The following KIAA0319 variants were observed in gnomAD, a reference collection of about 807,000 sequenced individuals.
KIAA0319 encodes the protein KIAA0319.
KIAA0319 carries 83 observed loss-of-function variants against 108.4 expected under a neutral mutation model. The ratio of observed to expected loss-of-function variants is 0.77; its 90% CI spans 0.64 to 0.92. KIAA0319 has a LOEUF of 0.92. KIAA0319 is among the 40% of genes least tolerant of loss of function. KIAA0319 has a pLI of 0.00. For missense variants in KIAA0319, 1,195 were observed against 1,322.4 expected, an observed-to-expected ratio of 0.90 and a Z score of 1.49; for synonymous variants, 484 against 510.4, an observed-to-expected ratio of 0.95 and a Z score of 0.70.
intron 19 of KIAA0319, among the ~76,000 whole-genome samples, chr6:24,552,698 C>T (rs909228251): frequency 9.9e-5 from 15 of 152,260 alleles, no homozygotes; most frequent in African/African-American, 3.1e-4. Context: ...CTCTTCCTCC[C>T]GGGTTCAAGC....
At chr6:24,547,917 C>G (rs529795214) in intron 20 of KIAA0319, among the ~76,000 whole-genome samples, 3 of 152,164 alleles carry the variant, frequency 2.0e-5, no homozygotes, top group Non-Finnish European at 4.4e-5. Context: ...CCTATAATCC[C>G]AGCCCTTTGG....
At chr6:24,619,991 C>G (rs950474118) in intron 1 of KIAA0319, among the ~76,000 whole-genome samples, 1 of 152,210 alleles carries the variant, frequency 6.6e-6, no homozygotes. Context: ...TCTAACACTG[C>G]TGGATTAATT....
intron 11 of KIAA0319, among the ~76,000 whole-genome samples, chr6:24,570,465 G>A (rs1336458469): frequency 2.6e-5 from 4 of 152,066 alleles, no homozygotes; most frequent in Non-Finnish European, 5.9e-5. Flanking sequence ...GCAGGCGCCT[G>A]TAGTCCCAGC....
rs374404340 is a variant in KIAA0319, at chr6:24,564,344, C to A, written c.2293-4G>T. ...GGTCAGAGCCATCGATGACATCCTGCGAAAGAACACGGATCACAGGGCAGC... is the reference window on the plus strand; with the variant it reads ...GGTCAGAGCCATCGATGACATCCTGAGAAAGAACACGGATCACAGGGCAGC... On this transcript the variant is annotated splice_region_variant and splice_polypyrimidine_tract_variant and intron_variant, in intron 14 of 20. Coordinates refer to ENST00000378214, the MANE Select transcript of KIAA0319 (RefSeq NM_014809.4). The A allele has an allele frequency of 1.9e-6, 3 of 1,613,978 alleles. No individual in the cohort carries two copies. Among genetic ancestry groups the A allele is most frequent in the Non-Finnish European group, 2.5e-6 (3 of 1,179,994 alleles).
intron 1 of KIAA0319, among the ~76,000 whole-genome samples, chr6:24,635,315 G>A (rs1227134717): frequency 6.6e-6 from 1 of 152,034 alleles, no homozygotes; most frequent in African/African-American, 2.4e-5. Context: ...ATGTTGGAAG[G>A]CTGGTCTCAA....
chr6:24,566,783 T>C (rs769200172), intron 13 of KIAA0319, 35 bp from the exon 14 acceptor site: 28 of 1,578,936 alleles, frequency 1.8e-5, no homozygotes, highest in Middle Eastern at 1.7e-4. Context: ...AGCAAAGAGA[T>C]TGATTTAAAA....
chr6:24,592,128 TG>T (rs1335848415), intron 3 of KIAA0319, among the ~76,000 whole-genome samples: 2 of 152,252 alleles, frequency 1.3e-5, no homozygotes, highest in African/African-American at 4.8e-5. Context: ...AGATTTATGC[TG>T]AGTTTTCTTC....
At chr6:24,566,244 G>A (rs76750548) in intron 14 of KIAA0319, among the ~76,000 whole-genome samples, 1 of 152,312 alleles carries the variant, frequency 6.6e-6, no homozygotes, top group East Asian at 1.9e-4. Flanking sequence ...CTATAAGGAA[G>A]TAGTTAAGGT....
Position 24,596,363 on chromosome 6 carries a change from A to G in KIAA0319, c.311T>C (p.Leu104Pro), listed in dbSNP as rs560701097. 1 of 1,614,194 alleles carries G rather than the reference A, an allele frequency of 6.2e-7. No homozygotes were observed. Among genetic ancestry groups the G allele is most frequent in the East Asian group, 2.2e-5 (1 of 44,882 alleles). Residue 104 changes from leucine (L) to proline (P), a missense_variant, in exon 3 of 21, where the codon CTC (leucine) becomes CCC (proline). Transcript: ENST00000378214. ...CTGTGCAGGCCTCTGAACAGGCCGG[A>G]GCACAAAAGTGAGATAAGACCTGAT... ...GPIRSYLTFV[L>P]RPVQRPAQLL...
intron 10 of KIAA0319, 51 bp from the exon 11 acceptor site, chr6:24,572,749 A>C (rs376873529): frequency 1.5e-5 from 22 of 1,500,376 alleles, no homozygotes; most frequent in Middle Eastern, 3.5e-4. Context: ...AAAAAAGTAA[A>C]GAAGCACAAG....
Position 24,599,757 on chromosome 6 carries a change from GT to G in KIAA0319, c.55+1291del. 5.6e-6 allele frequency: 3 copies of G among 531,980 alleles called. No individual in the cohort carries two copies. Among genetic ancestry groups the G allele is most frequent in the Non-Finnish European group, 1.1e-5 (3 of 284,918 alleles). The allele number at this position is 531,980 out of a possible 1,614,324, so 33.0% of individuals were successfully genotyped here. A position where few individuals can be genotyped will look rare whatever the true frequency, so the allele number is the denominator to read the frequency against. ...GATCGAGATTTGTGATAGGAAACTG[GT>G]GTCTGAGTCCTCTGATGTTCTGCCC... On this transcript the variant is annotated intron_variant, in intron 2 of 20. Coordinates refer to ENST00000378214, the MANE Select transcript of KIAA0319 (RefSeq NM_014809.4). The surrounding 1 kb of genome is among the most constrained non-coding windows in gnomAD (Gnocchi z 4.1).
intron 16 of KIAA0319, among the ~76,000 whole-genome samples, 182 bp from the exon 17 acceptor site, chr6:24,559,337 A>T (rs577992778): frequency 6.6e-6 from 1 of 152,350 alleles, no homozygotes; most frequent in South Asian, 2.1e-4. Context: ...AAGCCTCTTC[A>T]GTCTCAACGT....
chr6:24,550,192 C>T (rs1014569968), intron 20 of KIAA0319, among the ~76,000 whole-genome samples: 3 of 152,150 alleles, frequency 2.0e-5, no homozygotes, highest in African/African-American at 7.2e-5. Flanking sequence ...TACCCGGCAT[C>T]GTCCATGCAC....
intron 20 of KIAA0319, 44 bp downstream of exon 20, chr6:24,551,390 A>G (rs374547514): frequency 7.2e-7 from 1 of 1,380,478 alleles, no homozygotes; most frequent in African/African-American, 1.4e-5. Context: ...ACCTAGGTTA[A>G]ATCATATAAA....
intron 1 of KIAA0319, among the ~76,000 whole-genome samples, chr6:24,627,693 G>A (rs1774906821): frequency 6.6e-6 from 1 of 152,168 alleles, no homozygotes; most frequent in Non-Finnish European, 1.5e-5. Flanking sequence ...AAGCACCAAA[G>A]TAACCTTTCC....
intron 1 of KIAA0319, among the ~76,000 whole-genome samples, chr6:24,619,993 G>A (rs1773703347): frequency 6.6e-6 from 1 of 152,094 alleles, no homozygotes; most frequent in African/African-American, 2.4e-5. Context: ...TAACACTGCT[G>A]GATTAATTGG....
At position 24,566,755 on chromosome 6, in the gene KIAA0319, C is replaced by A; in HGVS notation, c.2141-7G>T. 1.3e-6 allele frequency: 2 copies of A among 1,595,940 alleles called. No individual in the cohort carries two copies. The highest frequency in any genetic ancestry group is 1.1e-5 in the South Asian group (1 of 87,154). On this transcript the variant is annotated splice_region_variant and splice_polypyrimidine_tract_variant and intron_variant, in intron 13 of 20. Coordinates refer to ENST00000378214, the MANE Select transcript of KIAA0319 (RefSeq NM_014809.4). Reference sequence around the variant, plus strand: ...CTGGGAGGACTATTATTTTCTAAGTCAAATATAGCAAAATGAAAGCAAAGA... The same window carrying A: ...CTGGGAGGACTATTATTTTCTAAGTAAAATATAGCAAAATGAAAGCAAAGA...
chr6:24,558,384 G>A (rs868508166), intron 17 of KIAA0319, among the ~76,000 whole-genome samples: 3 of 152,020 alleles, frequency 2.0e-5, no homozygotes, highest in Admixed American at 6.6e-5. Flanking sequence ...TAGATAGATA[G>A]ATAGATAGAT....
intron 4 of KIAA0319, among the ~76,000 whole-genome samples, chr6:24,585,331 A>C (rs1767303163): frequency 1.3e-5 from 2 of 151,950 alleles, no homozygotes; most frequent in South Asian, 4.2e-4. Context: ...GATACCTACA[A>C]AGATTAAAAA....
Sources: gnomAD v4.1 joint callset for allele counts (sites outside exome capture counted in the v4.1 genomes callset) on GRCh38, gnomAD v4.1.1 for gene constraint, Gnocchi (gnomAD v3.1) non-coding constraint, MANE v1.5 for transcripts, NCBI Gene and HGNC (gene_info 2026-07-23, HGNC 2026-07-21) for gene names.